The following EVI5 variants were observed in gnomAD, a reference collection of about 807,000 sequenced individuals.
EVI5 encodes ecotropic viral integration site 5.
Under a neutral mutation model 112.0 loss-of-function variants are expected in EVI5, and 73 were observed. The ratio of observed to expected loss-of-function variants is 0.65; its 90% CI spans 0.54 to 0.79. EVI5 has a LOEUF of 0.79. Ranked by LOEUF, EVI5 falls within the 30% of genes least tolerant of loss-of-function variation. EVI5 has a pLI of 0.00. For synonymous variants in EVI5, 305 were observed against 319.9 expected (o/e 0.95, Z 0.50); for missense variants, 900 against 968.8 (o/e 0.93, Z 0.94).
At chr1:92,516,751 A>G (rs920772309) in intron 19 of EVI5, among the ~76,000 whole-genome samples, 3 of 152,188 alleles carry the variant, frequency 2.0e-5, no homozygotes, top group African/African-American at 7.2e-5. Context: ...TGGGCCCTCT[A>G]AAGTGCAGTC....
At chr1:92,577,018 G>T (rs1223006256) in intron 18 of EVI5, among the ~76,000 whole-genome samples, 1 of 152,040 alleles carries the variant, frequency 6.6e-6, no homozygotes, top group Non-Finnish European at 1.5e-5. Flanking sequence ...AAAAGGACAT[G>T]AAAAAAACCT....
rs371768613 is a variant in EVI5 at position 92,513,968 on chromosome 1, G to C, written c.2169C>G (p.Leu723=). The change falls in exon 20 of 20, where the codon CTC becomes CTG. Residue 723 remains leucine (L), a splice_region_variant and synonymous_variant. Transcript: ENST00000684568. ...KDQIAELNHE[L]RCLKGQRGFS... Reference sequence around the variant, plus strand: ...AGCCCCTCTGGCCTTTTAGGCACCTGAGCTGTTAAAACAAAATCCAAGTTA... The same window carrying C: ...AGCCCCTCTGGCCTTTTAGGCACCTCAGCTGTTAAAACAAAATCCAAGTTA... 1 of 1,532,434 alleles carries C rather than the reference G, an allele frequency of 6.5e-7. No individual in the cohort carries two copies. Among genetic ancestry groups the C allele is most frequent in the Non-Finnish European group, 8.8e-7 (1 of 1,136,942 alleles). 94.9% of individuals were successfully genotyped at this position (1,532,434 alleles called of 1,614,324 possible).
At chr1:92,699,260 G>A (rs12089722) in intron 5 of EVI5, among the ~76,000 whole-genome samples, 10 of 152,120 alleles carry the variant, frequency 6.6e-5, no homozygotes, top group South Asian at 2.1e-4. Flanking sequence ...CAGTCACTAC[G>A]AGAAGCCCCA....
rs1432986650 is a variant in EVI5, at chr1:92,704,747, A to T, written c.150-3T>A. Reference sequence around the variant, plus strand: ...ACTTACTATCCGTTTCTAACAATCTAAAATATAATTAAAAACTGTTCAAGA... The same window carrying T: ...ACTTACTATCCGTTTCTAACAATCTTAAATATAATTAAAAACTGTTCAAGA... On this transcript the variant is annotated splice_region_variant and splice_polypyrimidine_tract_variant and intron_variant, in intron 2 of 19. Coordinates refer to ENST00000684568, the MANE Select transcript of EVI5 (RefSeq NM_001350197.2). 2 of 1,460,132 alleles carry T rather than the reference A, an allele frequency of 1.4e-6. No individual in the cohort carries two copies. The highest frequency in any genetic ancestry group is 2.8e-5 in the African/African-American group (2 of 70,884). The allele number at this position is 1,460,132 out of a possible 1,614,324, so 90.4% of individuals were successfully genotyped here.
chr1:92,771,001 T>C (rs1420766828), intron 1 of EVI5, among the ~76,000 whole-genome samples: 1 of 151,362 alleles, frequency 6.6e-6, no homozygotes, highest in African/African-American at 2.4e-5. Flanking sequence ...TTTTTAGTAG[T>C]GACAGGGTTT....
intron 1 of EVI5, among the ~76,000 whole-genome samples, chr1:92,736,857 T>C (rs1234939397): frequency 2.0e-5 from 3 of 151,940 alleles, no homozygotes; most frequent in African/African-American, 7.3e-5. Flanking sequence ...CTGAGACCCA[T>C]CAGGAGTGAC....
chr1:92,722,673 A>G (rs1674952070), intron 2 of EVI5, among the ~76,000 whole-genome samples: 1 of 152,054 alleles, frequency 6.6e-6, no homozygotes. Flanking sequence ...CCCTCACACA[A>G]CCTAACACTC....
intron 2 of EVI5, among the ~76,000 whole-genome samples, chr1:92,710,371 G>A (rs937334944): frequency 6.6e-6 from 1 of 151,890 alleles, no homozygotes; most frequent in Non-Finnish European, 1.5e-5. Context: ...GGGGGATGGT[G>A]GGGGAATAAT....
intron 19 of EVI5, among the ~76,000 whole-genome samples, chr1:92,540,833 G>A (rs1664670540): frequency 6.6e-6 from 1 of 152,124 alleles, no homozygotes; most frequent in Admixed American, 6.5e-5. Context: ...CAGCACTTTG[G>A]GAGGCCGAGG....
At chr1:92,568,016 G>C (rs558985455) in intron 18 of EVI5, among the ~76,000 whole-genome samples, 36 of 152,034 alleles carry the variant, frequency 2.4e-4, no homozygotes, top group Non-Finnish European at 5.1e-4. Flanking sequence ...TAATCTCTGA[G>C]GCCTTCCCTG....
rs143343718 is a variant in EVI5, at chr1:92,654,092, C to T, written c.1392+8627G>A. Among the ~76,000 whole-genome samples the T allele has an allele frequency of 9.5e-4, 145 of 152,142 alleles. 1 individual carries two copies. Among genetic ancestry groups the T allele is most frequent in the Non-Finnish European group, 1.6e-3 (106 of 67,984 alleles). On this transcript the variant is annotated intron_variant, in intron 13 of 19. Transcript: ENST00000684568. ...GCCGGCTTGGCTGTCCATCTCTGCCCTGACTTGTCCCCTGCTAGGGGGTGA... is the reference window on the plus strand; with the variant it reads ...GCCGGCTTGGCTGTCCATCTCTGCCTTGACTTGTCCCCTGCTAGGGGGTGA...
intron 16 of EVI5, among the ~76,000 whole-genome samples, chr1:92,609,377 T>G (rs1189896881): frequency 2.0e-5 from 3 of 152,212 alleles, no homozygotes; most frequent in Non-Finnish European, 4.4e-5. Context: ...ATTTTTTTTT[T>G]GAGACAGTCT....
At chr1:92,562,358 T>C (rs1471151615) in intron 19 of EVI5, among the ~76,000 whole-genome samples, 2 of 151,786 alleles carry the variant, frequency 1.3e-5, no homozygotes, top group African/African-American at 2.4e-5. Context: ...TGAAACCCCG[T>C]CTCTACTAAA....
chr1:92,772,379 G>A (rs148721133), intron 1 of EVI5, among the ~76,000 whole-genome samples: 18,234 of 148,124 alleles, frequency 0.12, 2,276 homozygotes, highest in African/African-American at 0.33. Flanking sequence ...GGCTGATCAC[G>A]AGGTCAGGAG....
chr1:92,706,269 T>C (rs1375146339), intron 2 of EVI5, among the ~76,000 whole-genome samples: 3 of 152,204 alleles, frequency 2.0e-5, no homozygotes, highest in East Asian at 1.9e-4. Context: ...TTAATGATGA[T>C]GTTTTACTTT....
chr1:92,637,349 G>C (rs1659087168), intron 13 of EVI5, among the ~76,000 whole-genome samples: 1 of 149,722 alleles, frequency 6.7e-6, no homozygotes, highest in Admixed American at 6.7e-5. Flanking sequence ...CTGTACTCCA[G>C]CCCAGGTGAC....
chr1:92,719,023 T>C (rs1297958780), intron 2 of EVI5, among the ~76,000 whole-genome samples: 1 of 152,054 alleles, frequency 6.6e-6, no homozygotes, highest in Non-Finnish European at 1.5e-5. Context: ...AATATACCAA[T>C]AACAGGCTCT....
chr1:92,775,137 G>A (rs1570913851), intron 1 of EVI5, among the ~76,000 whole-genome samples: 1 of 152,284 alleles, frequency 6.6e-6, no homozygotes, highest in Non-Finnish European at 1.5e-5. Context: ...ATATAAGAGG[G>A]TAGTCCCTGC....
chr1:92,785,017 C>G lies in EVI5; in HGVS notation c.-263G>C. The G allele has an allele frequency of 1.0e-6, 1 of 985,610 alleles. No homozygotes were observed. 61.1% of individuals were successfully genotyped at this position (985,610 alleles called of 1,614,324 possible). ...GCCTCGCGACCCTCACCTACCCCTC[C>G]CGGCACCGCCGCTGTCGGAACTGCA... is the stretch of plus-strand genomic sequence containing the variant. On this transcript the variant is annotated 5_prime_UTR_variant, in exon 1 of 20. Transcript: ENST00000684568.
Sources: gnomAD v4.1 joint callset for allele counts (sites outside exome capture counted in the v4.1 genomes callset) on GRCh38, gnomAD v4.1.1 for gene constraint, MANE v1.5 for transcripts, NCBI Gene and HGNC (gene_info 2026-07-23, HGNC 2026-07-21) for gene names.